The following SYN3 variants were observed in gnomAD, a reference collection of about 807,000 sequenced individuals.
SYN3 encodes synapsin-3.
In SYN3, 35 loss-of-function variants were observed where a neutral mutation model predicts 65.8. The observed-to-expected ratio is 0.53, with a 90% CI of 0.41 to 0.70. SYN3 has a LOEUF of 0.70. Ranked by LOEUF, SYN3 falls within the 30% of genes least tolerant of loss-of-function variation. The pLI is 0.00. For missense variants in SYN3, 680 were observed against 749.0 expected (o/e 0.91, Z 1.08); for synonymous variants, 270 against 292.9 (o/e 0.92, Z 0.80).
intron 6 of SYN3, among the ~76,000 whole-genome samples, chr22:32,817,307 A>T (rs186808200): frequency 3.9e-5 from 6 of 152,264 alleles, no homozygotes; most frequent in Admixed American, 6.5e-5. Context: ...AAGCTCTGAG[A>T]AGTCCTGCTG....
chr22:32,644,073 C>CAAAA (rs1175308291), intron 6 of SYN3, among the ~76,000 whole-genome samples: 3 of 3,912 alleles, frequency 7.7e-4, no homozygotes, highest in Non-Finnish European at 1.4e-3. Context: ...GACTCTGCCT[C>CAAAA]AAAAAAAAAA....
At chr22:32,616,891 A>G (rs1449100718) in intron 6 of SYN3, among the ~76,000 whole-genome samples, 1 of 152,150 alleles carries the variant, frequency 6.6e-6, no homozygotes, top group Non-Finnish European at 1.5e-5. Flanking sequence ...AGTGTGCCCA[A>G]CAGAGGAAAG....
intron 3 of SYN3, among the ~76,000 whole-genome samples, chr22:32,953,373 A>G (rs2051349186): frequency 6.6e-6 from 1 of 152,220 alleles, no homozygotes; most frequent in Non-Finnish European, 1.5e-5. Context: ...ACCATTAATA[A>G]TAAATATAAA....
At chr22:32,969,031 T>C (rs2051933286) in intron 3 of SYN3, among the ~76,000 whole-genome samples, 1 of 152,228 alleles carries the variant, frequency 6.6e-6, no homozygotes, top group Non-Finnish European at 1.5e-5. Context: ...TAATTTCCAC[T>C]GGAGTCTCAT....
chr22:32,621,792 T>C (rs534903787), intron 6 of SYN3, among the ~76,000 whole-genome samples: 1 of 152,236 alleles, frequency 6.6e-6, no homozygotes, highest in South Asian at 2.1e-4. Context: ...TTAGGTAATA[T>C]GGCCATTTCA....
intron 6 of SYN3, among the ~76,000 whole-genome samples, chr22:32,781,960 A>T (rs2046076477): frequency 6.6e-6 from 1 of 152,100 alleles, no homozygotes; most frequent in African/African-American, 2.4e-5. Flanking sequence ...TTTTCCTTCC[A>T]TGTGTTCTCC....
chr22:32,612,716 C>T (rs1164425635), intron 6 of SYN3, among the ~76,000 whole-genome samples: 1 of 152,078 alleles, frequency 6.6e-6, no homozygotes, highest in African/African-American at 2.4e-5. Flanking sequence ...GTGGCACATG[C>T]CTGTAGTCCC....
chr22:32,770,800 T>A (rs1021885864), intron 6 of SYN3, among the ~76,000 whole-genome samples: 1 of 151,460 alleles, frequency 6.6e-6, no homozygotes, highest in Non-Finnish European at 1.5e-5. Flanking sequence ...ATAAGGATGC[T>A]GGGAGGATTA....
chr22:33,019,014 T>C (rs1440976521), intron 1 of SYN3, among the ~76,000 whole-genome samples: 2 of 152,176 alleles, frequency 1.3e-5, no homozygotes, highest in African/African-American at 4.8e-5. Context: ...CCCTTGCCTA[T>C]TACAACAGGC....
intron 4 of SYN3, among the ~76,000 whole-genome samples, chr22:32,881,344 A>G (rs1427578931): frequency 2.0e-5 from 3 of 152,128 alleles, no homozygotes; most frequent in African/African-American, 7.2e-5. Context: ...ACTTATACCC[A>G]AGGCCTTCCC....
At chr22:32,807,952 A>G (rs1326975588) in intron 6 of SYN3, among the ~76,000 whole-genome samples, 1 of 152,066 alleles carries the variant, frequency 6.6e-6, no homozygotes, top group East Asian at 1.9e-4. Context: ...ACAATTTATA[A>G]TTTTTATTGA....
intron 4 of SYN3, among the ~76,000 whole-genome samples, chr22:32,904,529 T>G (rs1382903385): frequency 6.8e-6 from 1 of 147,130 alleles, no homozygotes; most frequent in African/African-American, 2.5e-5. Flanking sequence ...AAGTTTTTTG[T>G]TTTTTTTTTT....
chr22:32,575,645 C>T (rs1392990772), intron 7 of SYN3, among the ~76,000 whole-genome samples: 1 of 152,176 alleles, frequency 6.6e-6, no homozygotes, highest in East Asian at 1.9e-4. Flanking sequence ...TCTCTGCGGT[C>T]TCATTAAATA....
intron 6 of SYN3, among the ~76,000 whole-genome samples, chr22:32,787,583 T>A (rs2046226721): frequency 6.6e-6 from 1 of 152,224 alleles, no homozygotes; most frequent in South Asian, 2.1e-4. Context: ...TTACTGAGCC[T>A]TGATCTGGGA....
chr22:32,821,822 C>T (rs1256021172), intron 6 of SYN3, among the ~76,000 whole-genome samples: 3 of 152,182 alleles, frequency 2.0e-5, no homozygotes, highest in East Asian at 1.9e-4. Context: ...ATGGTTCCCC[C>T]GTCACTCACT....
Position 32,520,607 on chromosome 22 carries a change from T to TAAC in SYN3, c.1319-2276_1319-2274dup, listed in dbSNP as rs2057863911. On this transcript the variant is annotated intron_variant, in intron 12 of 13. Coordinates refer to ENST00000358763, the MANE Select transcript of SYN3 (RefSeq NM_003490.4). ...CCACGCAGGCTCGCCTGAGTCCTCA[T>TAAC]AACATCTTTATTGCTAATTAAGAAA... 2.6e-5 allele frequency among the ~76,000 whole-genome samples: 4 copies of TAAC among 152,318 alleles called. No individual in the cohort carries two copies. In the South Asian group the frequency reaches 8.3e-4, roughly 32 times the overall value.
At chr22:32,982,517 C>T (rs2145662610) in intron 2 of SYN3, among the ~76,000 whole-genome samples, 1 of 152,254 alleles carries the variant, frequency 6.6e-6, no homozygotes, top group South Asian at 2.1e-4. Flanking sequence ...CCATAAGCAC[C>T]CTAATCCTGA....
rs75764603 is a variant in SYN3, at chr22:32,734,513, G to A, written c.711+130402C>T. 3.2e-4 allele frequency among the ~76,000 whole-genome samples: 49 copies of A among 151,440 alleles called. 1 individual carries two copies. The South Asian group carries it at 4.0e-3, about 12-fold the overall frequency. Reference sequence around the variant, plus strand: ...GGAGGAGCAGAGAAGAGGCAGGCAGGCAGACAGACAGACAGACAGACATCG... The same window carrying A: ...GGAGGAGCAGAGAAGAGGCAGGCAGACAGACAGACAGACAGACAGACATCG... On this transcript the variant is annotated intron_variant, in intron 6 of 13. Coordinates refer to ENST00000358763, the MANE Select transcript of SYN3 (RefSeq NM_003490.4).
intron 4 of SYN3, among the ~76,000 whole-genome samples, chr22:32,911,297 G>A (rs943415570): frequency 6.6e-6 from 1 of 152,176 alleles, no homozygotes; most frequent in Non-Finnish European, 1.5e-5. Flanking sequence ...TAAGACATCT[G>A]TGCAAATTAG....
Sources: gnomAD v4.1 joint callset for allele counts (sites outside exome capture counted in the v4.1 genomes callset) on GRCh38, gnomAD v4.1.1 for gene constraint, MANE v1.5 for transcripts, NCBI Gene and HGNC (gene_info 2026-07-23, HGNC 2026-07-21) for gene names.